Variants in CES4A observed in about 807,000 individuals in gnomAD.
CES4A encodes carboxylesterase 6.
In CES4A, 48 loss-of-function variants were observed where a neutral mutation model predicts 65.4. The ratio of observed to expected loss-of-function variants is 0.73; its 90% CI spans 0.58 to 0.93. The LOEUF (loss-of-function observed/expected upper bound fraction) is 0.93. Among genes scored for constraint, CES4A ranks in the 40% least tolerant of loss-of-function variants. The pLI is 0.00. For synonymous variants in CES4A, 247 were observed against 281.8 expected, an observed-to-expected ratio of 0.88 and a Z score of 1.24; for missense variants, 685 against 728.5, an observed-to-expected ratio of 0.94 and a Z score of 0.69.
In CES4A at chr16:67,006,432, G is replaced by A. The variant is rs3848290; in HGVS notation, c.1357G>A (p.Ala453Thr). 26,485 of 1,536,428 alleles carry A rather than the reference G, an allele frequency of 0.017. 2,673 individuals carry two copies. The African/African-American group carries it at 0.27, about 15-fold the overall frequency. The change falls in exon 12 of 14, where the codon GCT (alanine) becomes ACT (threonine). Residue 453 changes from alanine (A) to threonine (T), a missense_variant. Ala to Thr is a moderately conservative substitution (Grantham distance 58). Transcript: ENST00000648724. ...CTACCTGTATGAATTTGAGCACCAC[G>A]CTCGTGGAATAATCGTCAAACCCCG...
rs1965525190 is a variant in CES4A at position 67,003,652 on chromosome 16, C to T, written c.939+99C>T. The stretch of plus-strand genomic sequence containing the variant: ...GGAATTGTTCAGGCCAAGATCCCTT[C>T]CCTAGTGGAGCTGATGTTCCAGTGG... On this transcript the variant is annotated intron_variant, in intron 8 of 13. Coordinates refer to ENST00000648724, the Ensembl canonical transcript of CES4A. This position sits in a 1 kb window ranked among gnomAD's most constrained non-coding sequence, Gnocchi z 4.2. The T allele has an allele frequency of 1.1e-6, 1 of 945,682 alleles. No homozygotes were observed. The allele number at this position is 945,682 out of a possible 1,614,324, so 58.6% of individuals were successfully genotyped here.
At chr16:67,010,065 GTTT>G, downstream of CES4A, among the ~76,000 whole-genome samples, 1 of 136,966 alleles carries the variant, frequency 7.3e-6, no homozygotes, top group Admixed American at 7.4e-5. Flanking sequence ...GTTTTGTGGG[GTTT>G]TTTTTTTTTT....
intron 11 of CES4A, chr16:67,005,804 A>G (rs1259006285): frequency 1.1e-5 from 2 of 181,356 alleles, no homozygotes; most frequent in East Asian, 1.7e-4. Context: ...AGCCGACATC[A>G]CACCACTGCA....
At chr16:66,997,951 AC>A (rs1238911786) in intron 2 of CES4A, among the ~76,000 whole-genome samples, 5 of 632 alleles carry the variant, frequency 7.9e-3, no homozygotes, top group African/African-American at 0.013. Flanking sequence ...TATCTAAAAC[AC>A]ACACACACAC....
At chr16:66,989,891 T>C (rs1020688836) in intron 1 of CES4A, among the ~76,000 whole-genome samples, 2 of 151,612 alleles carry the variant, frequency 1.3e-5, no homozygotes, top group Admixed American at 6.6e-5. Flanking sequence ...CAGCGTCCCA[T>C]GTACTCCTTC....
exon 12 of CES4A, chr16:67,006,439 G>C: frequency 6.5e-7 from 1 of 1,536,618 alleles, no homozygotes; most frequent in Non-Finnish European, 8.7e-7. Flanking sequence ...CACGCTCGTG[G>C]AATAATCGTC....
At chr16:67,006,428 C>G in exon 12 of CES4A, 1 of 1,536,586 alleles carries the variant, frequency 6.5e-7, no homozygotes, top group Non-Finnish European at 8.7e-7. Flanking sequence ...AATTTGAGCA[C>G]CACGCTCGTG....
At position 67,006,584 on chromosome 16, in the gene CES4A, C is replaced by T. The variant is rs878915056; in HGVS notation, c.1444+65C>T. ...TCTCCCACCTCTGGATGCAGACCCACCCCTCCATTGGCTGGCCACAGGGAG... is the reference window on the plus strand; with the variant it reads ...TCTCCCACCTCTGGATGCAGACCCATCCCTCCATTGGCTGGCCACAGGGAG... On this transcript the variant is annotated intron_variant, in intron 12 of 13. Coordinates refer to ENST00000648724, the Ensembl canonical transcript of CES4A. The T allele has an allele frequency of 1.4e-5, 22 of 1,564,812 alleles. No homozygotes were observed. In the South Asian group the frequency reaches 2.5e-4, roughly 18 times the overall value.
chr16:67,005,352 C>G (rs1229363842), exon 11 of CES4A: 1 of 1,614,172 alleles, frequency 6.2e-7, no homozygotes, highest in Admixed American at 1.7e-5. Flanking sequence ...CAAGATGCCA[C>G]TTTCGTGTAT....
rs373842671 is a variant in CES4A, at chr16:67,008,971, C to A, written c.1518-3C>A. ...TAATCCTCTCTTTTTTATTTCTGGG[C>A]AGAAACCCCAATGATGGGAATCTGC... On this transcript the variant is annotated splice_polypyrimidine_tract_variant and splice_region_variant and intron_variant, in intron 13 of 13. Transcript: ENST00000648724. The A allele has an allele frequency of 3.7e-6, 6 of 1,609,036 alleles. No homozygotes were observed. In the African/African-American group the frequency reaches 5.4e-5, roughly 14 times the overall value.
At chr16:66,998,280 A>G (rs1428085773) in intron 2 of CES4A, among the ~76,000 whole-genome samples, 1 of 152,060 alleles carries the variant, frequency 6.6e-6, no homozygotes, top group African/African-American at 2.4e-5. Flanking sequence ...AAGCCCAGAG[A>G]AGGAAAGCTG....
chr16:67,001,110 G>T lies in CES4A; in HGVS notation c.536+120G>T, dbSNP rs1488939742. 4 of 1,297,104 alleles carry T rather than the reference G, an allele frequency of 3.1e-6. No homozygotes were observed. In the Admixed American group the frequency reaches 7.4e-5, roughly 24 times the overall value. 80.3% of individuals were successfully genotyped at this position (1,297,104 alleles called of 1,614,324 possible). A position where few individuals can be genotyped will look rare whatever the true frequency, so the allele number is the denominator to read the frequency against. ...GGGGTGGGGCCGCGAGGCGGGGGCG[G>T]GGCCTGGCGCTCGGTGGAAGGGGCG... is the stretch of plus-strand genomic sequence containing the variant. On this transcript the variant is annotated intron_variant, in intron 4 of 13. Coordinates refer to ENST00000648724, the Ensembl canonical transcript of CES4A. This position sits in a 1 kb window ranked among gnomAD's most constrained non-coding sequence, Gnocchi z 4.1.
chr16:67,004,454 C>A (rs75507457), intron 9 of CES4A, among the ~76,000 whole-genome samples: 5,528 of 152,244 alleles, frequency 0.036, 152 homozygotes, highest in South Asian at 0.077. Context: ...TTGAGGACCA[C>A]AAATTCTCAG....
exon 2 of CES4A, chr16:66,995,681 G>A (rs578173809): frequency 2.5e-6 from 4 of 1,614,206 alleles, no homozygotes; most frequent in East Asian, 2.2e-5. Flanking sequence ...AACCCTGCAA[G>A]GAAAACAGAT....
At position 67,005,753 on chromosome 16, in the gene CES4A, G is replaced by A. The variant is rs570145965; in HGVS notation, c.1315+360G>A. ...AGTCCCAGCTACTCAGTAGGCTGAC[G>A]CAGGAGAATCGCTTGAACCTGGGAG... On this transcript the variant is annotated intron_variant, in intron 11 of 13. Coordinates refer to ENST00000648724, the Ensembl canonical transcript of CES4A. 24 of 193,248 alleles carry A rather than the reference G, an allele frequency of 1.2e-4. No individual in the cohort carries two copies. In the South Asian group the frequency reaches 2.4e-3, roughly 19 times the overall value. The allele number at this position is 193,248 out of a possible 1,614,324, so 12.0% of individuals were successfully genotyped here. A position where few individuals can be genotyped will look rare whatever the true frequency, so the allele number is the denominator to read the frequency against.
chr16:67,003,328 G>A lies in CES4A; in HGVS notation c.868G>A (p.Gly290Arg). The stretch of plus-strand genomic sequence containing the variant: ...GGTAAACTGCCTGAGGGCACTATCA[G>A]GGACCAAGGTGATGCGTGTGTCCAA... The change falls in exon 7 of 14, where the codon GGG (glycine) becomes AGG (arginine). Residue 290 changes from glycine to arginine, a missense_variant. Transcript: ENST00000648724. The surrounding 1 kb of genome is among the most constrained non-coding windows in gnomAD (Gnocchi z 4.2). 6.2e-7 allele frequency: 1 copy of A among 1,614,074 alleles called. No individual in the cohort carries two copies. Among genetic ancestry groups the A allele is most frequent in the Non-Finnish European group, 8.5e-7 (1 of 1,180,016 alleles).
Position 66,999,272 on chromosome 16 carries a change from G to T in CES4A, c.261-1366G>T, listed in dbSNP as rs1429323053. 2.0e-5 allele frequency among the ~76,000 whole-genome samples: 3 copies of T among 152,192 alleles called. No individual in the cohort carries two copies. The East Asian group carries it at 5.8e-4, about 29-fold the overall frequency. ...AGGGTGTCCTGCGCCCAATCAAATG[G>T]TCCAGGCCCAGCTGTTATGAGAATA... is the stretch of plus-strand genomic sequence containing the variant. On this transcript the variant is annotated intron_variant, in intron 2 of 13. Coordinates refer to ENST00000648724, the Ensembl canonical transcript of CES4A.
intron 1 of CES4A, 41 bp from the exon 2 acceptor site, chr16:66,995,587 G>A: frequency 6.4e-7 from 1 of 1,563,912 alleles, no homozygotes; most frequent in Non-Finnish European, 8.8e-7. Context: ...TTTGTGGCTG[G>A]GTGACTGAGC....
intron 5 of CES4A, among the ~76,000 whole-genome samples, chr16:67,002,425 A>G (rs1965431183): frequency 6.6e-6 from 1 of 152,138 alleles, no homozygotes; most frequent in South Asian, 2.1e-4. Context: ...GGGATAGGAT[A>G]TATCCTAGGA....
Sources: gnomAD v4.1 joint callset for allele counts (sites outside exome capture counted in the v4.1 genomes callset) on GRCh38, gnomAD v4.1.1 for gene constraint, Gnocchi (gnomAD v3.1) non-coding constraint, MANE v1.5 for transcripts, NCBI Gene and HGNC (gene_info 2026-07-23, HGNC 2026-07-21) for gene names.